Variants in GRID2 observed in about 807,000 individuals in gnomAD.
The protein encoded by GRID2 is glutamate receptor ionotropic, delta-2.
A neutral mutation model predicts 114.8 loss-of-function variants in GRID2; 33 were observed. The observed-to-expected ratio is 0.29, with a 90% CI of 0.22 to 0.38. The LOEUF (loss-of-function observed/expected upper bound fraction) is 0.38, where lower values mean the gene tolerates loss of function less well. Ranked by LOEUF, GRID2 falls within the 10% of genes least tolerant of loss-of-function variation. GRID2 has a pLI of 1.00. For missense variants in GRID2, 1,184 were observed against 1,257.7 expected (o/e 0.94, Z 0.89); for synonymous variants, 505 against 449.9 (o/e 1.12, Z -1.55).
chr4:92,539,425 A>G (rs139058143), intron 1 of GRID2, among the ~76,000 whole-genome samples: 2 of 152,270 alleles, frequency 1.3e-5, no homozygotes, highest in Admixed American at 1.3e-4. Context: ...TCAAGGTAGA[A>G]ATATAATTTT....
chr4:93,064,233 AT>A (rs988140877), intron 2 of GRID2, among the ~76,000 whole-genome samples: 1 of 151,016 alleles, frequency 6.6e-6, no homozygotes, highest in African/African-American at 2.4e-5. Flanking sequence ...TTCTTCTTGT[AT>A]TTTTTCCATC....
At position 93,456,017 on chromosome 4, in the gene GRID2, T is replaced by A. The variant is rs1187143990; in HGVS notation, c.1858+43T>A. On this transcript the variant is annotated intron_variant, in intron 11 of 15. Coordinates refer to ENST00000282020, the MANE Select transcript of GRID2 (RefSeq NM_001510.4). The stretch of plus-strand genomic sequence containing the variant: ...ATTCTAGTATTTAAAAAAAATAGAA[T>A]GTGATGTTTCCAAAGCCATGTATTC... 3 of 1,164,434 alleles carry A rather than the reference T, an allele frequency of 2.6e-6. No individual in the cohort carries two copies. The East Asian group carries it at 7.0e-5, about 27-fold the overall frequency. 72.1% of individuals were successfully genotyped at this position (1,164,434 alleles called of 1,614,324 possible). A position where few individuals can be genotyped will look rare whatever the true frequency, so the allele number is the denominator to read the frequency against.
intron 1 of GRID2, among the ~76,000 whole-genome samples, chr4:92,470,035 C>G (rs1721956299): frequency 6.6e-6 from 1 of 151,684 alleles, no homozygotes; most frequent in Non-Finnish European, 1.5e-5. Flanking sequence ...ATAACAAACC[C>G]TACTGAAAGG....
Position 92,865,648 on chromosome 4 carries a change from C to T in GRID2, c.245-219347C>T, listed in dbSNP as rs553371837. Among the ~76,000 whole-genome samples the T allele has an allele frequency of 2.9e-3, 438 of 152,290 alleles. 3 individuals carry two copies. Among genetic ancestry groups the T allele is most frequent in the Non-Finnish European group, 5.2e-3 (354 of 68,014 alleles). On this transcript the variant is annotated intron_variant, in intron 2 of 15. Coordinates refer to ENST00000282020, the MANE Select transcript of GRID2 (RefSeq NM_001510.4). ...AGTATGTTGTGACTCAATTCACTCACAGTTTCACTCTTTGGCCAATTTGAT... is the reference window on the plus strand; with the variant it reads ...AGTATGTTGTGACTCAATTCACTCATAGTTTCACTCTTTGGCCAATTTGAT...
intron 8 of GRID2, among the ~76,000 whole-genome samples, chr4:93,322,578 G>A (rs1757353503): frequency 6.6e-6 from 1 of 152,104 alleles, no homozygotes; most frequent in Non-Finnish European, 1.5e-5. Context: ...GGGATGGCTG[G>A]GTCAAATGGT....
chr4:92,875,247 C>T (rs998129605), intron 2 of GRID2, among the ~76,000 whole-genome samples: 3 of 144,294 alleles, frequency 2.1e-5, no homozygotes, highest in African/African-American at 7.6e-5. Flanking sequence ...ACTGCAACCT[C>T]TGCCTCCCGG....
intron 2 of GRID2, among the ~76,000 whole-genome samples, chr4:92,937,763 A>G (rs141122650): frequency 2.0e-5 from 3 of 146,588 alleles, no homozygotes; most frequent in Non-Finnish European, 3.0e-5. Context: ...TGGGATTTCT[A>G]TACGGATTGC....
chr4:92,974,192 T>C (rs943784957), intron 2 of GRID2, among the ~76,000 whole-genome samples: 1 of 152,152 alleles, frequency 6.6e-6, no homozygotes, highest in Admixed American at 6.5e-5. Context: ...AAACAACAGA[T>C]GCTGGAGAGG....
At chr4:93,677,168 G>A (rs36055544) in intron 14 of GRID2, among the ~76,000 whole-genome samples, 50,500 of 152,058 alleles carry the variant, frequency 0.33, 8,645 homozygotes, top group East Asian at 0.6. Flanking sequence ...ACGGAGGCTC[G>A]CTGATTGCTA....
At chr4:92,616,376 A>C (rs1440021665) in intron 2 of GRID2, among the ~76,000 whole-genome samples, 3 of 151,322 alleles carry the variant, frequency 2.0e-5, no homozygotes, top group African/African-American at 7.3e-5. Flanking sequence ...GTAACTGATG[A>C]GTTACATTTC....
chr4:92,318,792 A>G (rs1013792268), intron 1 of GRID2, among the ~76,000 whole-genome samples: 4 of 152,044 alleles, frequency 2.6e-5, no homozygotes, highest in African/African-American at 9.7e-5. Context: ...ATTAAATAGC[A>G]AGTCAGAGAA....
At chr4:93,458,665 G>C (rs2149416259) in intron 11 of GRID2, among the ~76,000 whole-genome samples, 1 of 152,184 alleles carries the variant, frequency 6.6e-6, no homozygotes, top group South Asian at 2.1e-4. Context: ...AAATTGTGAA[G>C]TTCTTAGATA....
chr4:93,264,709 G>T (rs997961473), intron 8 of GRID2, among the ~76,000 whole-genome samples: 10 of 132,916 alleles, frequency 7.5e-5, no homozygotes, highest in African/African-American at 2.4e-4. Context: ...AGTTTTGAAT[G>T]ATATATATAT....
intron 4 of GRID2, among the ~76,000 whole-genome samples, chr4:93,162,534 C>A (rs1737784835): frequency 6.6e-6 from 1 of 151,944 alleles, no homozygotes; most frequent in South Asian, 2.1e-4. Context: ...TTTGTATATT[C>A]CTTTTTAACA....
chr4:92,822,203 A>G, intron 2 of GRID2: 1 of 475,174 alleles, frequency 2.1e-6, no homozygotes, highest in Non-Finnish European at 4.1e-6. Flanking sequence ...AGTTGAGGCT[A>G]AAGCACAGGG....
chr4:93,387,768 C>T (rs1437659917), intron 8 of GRID2, among the ~76,000 whole-genome samples: 3 of 146,152 alleles, frequency 2.1e-5, no homozygotes, highest in Non-Finnish European at 4.5e-5. Flanking sequence ...AGGCCGAGGC[C>T]GAAGTGAGCC....
intron 2 of GRID2, among the ~76,000 whole-genome samples, chr4:92,944,834 C>G (rs1352369775): frequency 6.6e-6 from 1 of 152,006 alleles, no homozygotes; most frequent in Non-Finnish European, 1.5e-5. Flanking sequence ...GTAAGTCTTA[C>G]CCTTTGGAGT....
chr4:93,307,920 T>C (rs759599185), intron 8 of GRID2, among the ~76,000 whole-genome samples: 1 of 150,572 alleles, frequency 6.6e-6, no homozygotes, highest in Non-Finnish European at 1.5e-5. Flanking sequence ...TACATACCTA[T>C]TGTATTAATT....
chr4:93,353,767 T>A (rs1169279342), intron 8 of GRID2, among the ~76,000 whole-genome samples: 1 of 152,060 alleles, frequency 6.6e-6, no homozygotes, highest in Non-Finnish European at 1.5e-5. Context: ...GAAACTCTGC[T>A]ACTTGGGGCT....
Sources: allele counts gnomAD v4.1 joint callset (sites outside exome capture counted in the v4.1 genomes callset), GRCh38; gene constraint gnomAD v4.1.1; transcripts MANE v1.5; gene names NCBI Gene and HGNC (gene_info 2026-07-23, HGNC 2026-07-21).